The following NR5A2 variants were observed in gnomAD, a reference collection of about 807,000 sequenced individuals.
The protein encoded by NR5A2 is CYP7A promoter-binding factor.
Under a neutral mutation model 62.7 loss-of-function variants are expected in NR5A2, and 26 were observed. That is an observed-to-expected ratio of 0.41 (90% confidence interval 0.30 to 0.58). The LOEUF (loss-of-function observed/expected upper bound fraction) is 0.58. Ranked by LOEUF, NR5A2 falls within the 20% of genes least tolerant of loss-of-function variation. The pLI, the probability that NR5A2 is intolerant of heterozygous loss-of-function variation, is 0.22. For missense variants in NR5A2, 541 were observed against 669.1 expected, an observed-to-expected ratio of 0.81 and a Z score of 2.11; for synonymous variants, 246 against 241.7, an observed-to-expected ratio of 1.02 and a Z score of -0.16.
intron 2 of NR5A2, among the ~76,000 whole-genome samples, chr1:200,042,077 C>A (rs1248069182): frequency 2.6e-5 from 4 of 152,212 alleles, no homozygotes; most frequent in African/African-American, 9.6e-5. Context: ...CCCAAACCCC[C>A]AGGTTCCTAA....
rs563601928 is a variant in NR5A2, at chr1:200,044,124, A to C, written c.321+232A>C. Reference sequence around the variant, plus strand: ...TTTGCCAGTCTCATGGTTCTAAAATACTTTATTGTAGTAAAGTGATATAGC... The same window carrying C: ...TTTGCCAGTCTCATGGTTCTAAAATCCTTTATTGTAGTAAAGTGATATAGC... On this transcript the variant is annotated intron_variant, in intron 3 of 7. Coordinates refer to ENST00000367362, the MANE Select transcript of NR5A2 (RefSeq NM_205860.3). The C allele has an allele frequency of 1.4e-5, 5 of 368,954 alleles. No individual in the cohort carries two copies. In the South Asian group the frequency reaches 3.4e-4, roughly 25 times the overall value. The allele number at this position is 368,954 out of a possible 1,614,324, so 22.9% of individuals were successfully genotyped here.
intron 7 of NR5A2, among the ~76,000 whole-genome samples, chr1:200,163,526 G>A (rs1197185938): frequency 6.6e-6 from 1 of 150,994 alleles, no homozygotes; most frequent in African/African-American, 2.4e-5. Context: ...CTGTTTCCCA[G>A]GCTGGAGTGC....
intron 5 of NR5A2, among the ~76,000 whole-genome samples, chr1:200,082,505 CAT>C (rs1478209851): frequency 2.0e-5 from 3 of 152,070 alleles, no homozygotes; most frequent in East Asian, 3.9e-4. Flanking sequence ...AAATTACAAA[CAT>C]ATGAGTCAAA....
Position 200,177,094 on chromosome 1 carries a change from G to A in NR5A2, c.*2884G>A, listed in dbSNP as rs1241338606. ...CGATTTGTAACCTGGCATTTACTTA[G>A]CAACTGCCTTATCAATTACAGGATT... On this transcript the variant is annotated 3_prime_UTR_variant, in exon 8 of 8. Transcript: ENST00000367362. 1 of 152,398 alleles carries A rather than the reference G, an allele frequency of 6.6e-6. No individual in the cohort carries two copies. Among genetic ancestry groups the A allele is most frequent in the Admixed American group, 6.5e-5 (1 of 15,272 alleles). The allele number at this position is 152,398 out of a possible 1,614,324, so 9.4% of individuals were successfully genotyped here. A position where few individuals can be genotyped will look rare whatever the true frequency, so the allele number is the denominator to read the frequency against.
intron 5 of NR5A2, among the ~76,000 whole-genome samples, chr1:200,083,674 A>C (rs1664396085): frequency 6.6e-6 from 1 of 152,168 alleles, no homozygotes; most frequent in South Asian, 2.1e-4. Flanking sequence ...TTGTATAGCA[A>C]TGTACAGTAT....
intron 6 of NR5A2, among the ~76,000 whole-genome samples, chr1:200,119,492 G>A (rs1417274892): frequency 1.3e-5 from 2 of 152,202 alleles, no homozygotes; most frequent in Non-Finnish European, 2.9e-5. Context: ...GGAGCGTCAG[G>A]TACCAACTGG....
At chr1:200,055,291 G>A (rs1476435638) in intron 5 of NR5A2, among the ~76,000 whole-genome samples, 1 of 151,952 alleles carries the variant, frequency 6.6e-6, no homozygotes, top group Non-Finnish European at 1.5e-5. Flanking sequence ...CACCTCCCAG[G>A]TTCAAGTGAT....
intron 5 of NR5A2, among the ~76,000 whole-genome samples, chr1:200,069,088 TC>T (rs1454112441): frequency 6.6e-6 from 1 of 152,154 alleles, no homozygotes; most frequent in Admixed American, 6.5e-5. Flanking sequence ...TCTTAAGCAT[TC>T]CACCTTCTCC....
chr1:200,106,485 T>C (rs1665673281), intron 5 of NR5A2, among the ~76,000 whole-genome samples: 1 of 152,242 alleles, frequency 6.6e-6, no homozygotes, highest in African/African-American at 2.4e-5. Flanking sequence ...TCAATATAAA[T>C]AGTTTCTCTG....
intron 7 of NR5A2, among the ~76,000 whole-genome samples, chr1:200,122,832 C>T (rs184820783): frequency 2.0e-5 from 3 of 152,264 alleles, no homozygotes; most frequent in Admixed American, 6.5e-5. Context: ...GGCCGAGAGT[C>T]TATTTTTTTA....
At chr1:200,149,730 GCTC>G (rs1275917965) in intron 7 of NR5A2, among the ~76,000 whole-genome samples, 1 of 152,126 alleles carries the variant, frequency 6.6e-6, no homozygotes, top group Non-Finnish European at 1.5e-5. Context: ...CATATTGTGG[GCTC>G]CTCATCAACA....
chr1:200,099,846 C>T (rs1028610396), intron 5 of NR5A2, among the ~76,000 whole-genome samples: 1 of 152,178 alleles, frequency 6.6e-6, no homozygotes, highest in Non-Finnish European at 1.5e-5. Flanking sequence ...CCCACCTCGG[C>T]CTCCCAAAGT....
intron 5 of NR5A2, among the ~76,000 whole-genome samples, chr1:200,061,949 A>C (rs1056273768): frequency 6.6e-6 from 1 of 152,198 alleles, no homozygotes; most frequent in Non-Finnish European, 1.5e-5. Context: ...GGAATGACCC[A>C]TGGTAGACAC....
intron 7 of NR5A2, among the ~76,000 whole-genome samples, chr1:200,152,545 C>T (rs1392062111): frequency 6.6e-6 from 1 of 152,076 alleles, no homozygotes; most frequent in Non-Finnish European, 1.5e-5. Context: ...CAAACTAAAA[C>T]CTTGAGTACC....
At chr1:200,132,225 G>A (rs1666997117) in intron 7 of NR5A2, among the ~76,000 whole-genome samples, 2 of 152,128 alleles carry the variant, frequency 1.3e-5, no homozygotes, top group South Asian at 4.1e-4. Context: ...GGCCAGGCTG[G>A]TCTCAAACTC....
intron 7 of NR5A2, among the ~76,000 whole-genome samples, chr1:200,172,630 C>T (rs1001221449): frequency 6.6e-6 from 1 of 152,162 alleles, no homozygotes; most frequent in Non-Finnish European, 1.5e-5. Flanking sequence ...AAAGCTATGG[C>T]CCAAATGTAA....
intron 7 of NR5A2, among the ~76,000 whole-genome samples, chr1:200,135,667 C>A (rs1184457400): frequency 6.6e-6 from 1 of 152,078 alleles, no homozygotes; most frequent in Admixed American, 6.6e-5. Flanking sequence ...TCTATTGTAT[C>A]CTTAGGAACG....
chr1:200,030,888 C>G (rs1157515418), intron 1 of NR5A2, among the ~76,000 whole-genome samples: 1 of 152,166 alleles, frequency 6.6e-6, no homozygotes, highest in African/African-American at 2.4e-5. Flanking sequence ...GCTATCTGGT[C>G]CCCTGAACAC....
At chr1:200,073,325 T>C (rs1663840543) in intron 5 of NR5A2, among the ~76,000 whole-genome samples, 1 of 36,890 alleles carries the variant, frequency 2.7e-5, no homozygotes, top group Non-Finnish European at 5.4e-5. Flanking sequence ...TTCCCCTTTA[T>C]ATATATATAT....
Sources: allele counts gnomAD v4.1 joint callset (sites outside exome capture counted in the v4.1 genomes callset), GRCh38; gene constraint gnomAD v4.1.1; transcripts MANE v1.5; gene names NCBI Gene and HGNC (gene_info 2026-07-23, HGNC 2026-07-21).